Variants in FKBP7 observed in about 807,000 individuals in gnomAD.
The protein encoded by FKBP7 is FKBP prolyl isomerase 7.
Under a neutral mutation model 24.3 loss-of-function variants are expected in FKBP7, and 24 were observed. That is an observed-to-expected ratio of 0.99 (90% CI 0.72 to 1.39). FKBP7 has a LOEUF of 1.39. Among genes scored for constraint, FKBP7 ranks in the 40% most tolerant of loss-of-function variants. The pLI, the probability that FKBP7 is intolerant of heterozygous loss-of-function variation, is 0.00. For synonymous variants in FKBP7, 98 were observed against 92.8 expected, an observed-to-expected ratio of 1.06 and a Z score of -0.32; for missense variants, 257 against 269.5, an observed-to-expected ratio of 0.95 and a Z score of 0.33.
chr2:178,471,930 T>C (rs1302308651), intron 2 of FKBP7, among the ~76,000 whole-genome samples: 2 of 152,224 alleles, frequency 1.3e-5, no homozygotes, highest in East Asian at 3.8e-4. Context: ...TACCTGACTT[T>C]AGAGTAGAAG....
intron 2 of FKBP7, 142 bp downstream of exon 2, chr2:178,476,920 T>C: frequency 1.7e-6 from 1 of 598,822 alleles, no homozygotes; most frequent in Non-Finnish European, 2.8e-6. Flanking sequence ...CTCTTGTCTA[T>C]TGTACATGGC....
In FKBP7 at chr2:178,478,592, C is replaced by T; in HGVS notation, c.-93G>A. 2 of 1,559,780 alleles carry T rather than the reference C, an allele frequency of 1.3e-6. No individual in the cohort carries two copies. Among genetic ancestry groups the T allele is most frequent in the East Asian group, 2.2e-5 (1 of 44,622 alleles). On this transcript the variant is annotated 5_prime_UTR_variant, in exon 1 of 4. Transcript: ENST00000424785. ...GTTCCGACGCGTGGCAGGCGTTGTC[C>T]TGCGTCACAAAGGGCCGGGGCGGGG...
Position 178,464,783 on chromosome 2 carries a change from T to TA in FKBP7, c.*986dup. On this transcript the variant is annotated 3_prime_UTR_variant, in exon 4 of 4. Coordinates refer to ENST00000424785, the MANE Select transcript of FKBP7 (RefSeq NM_181342.3). ...TACATACTATTCTCAAGTCATATGA[T>TA]ATCATAACTTGACCATGACACAAAA... 6.6e-6 allele frequency: 1 copy of TA among 152,232 alleles called. No homozygotes were observed. Among genetic ancestry groups the TA allele is most frequent in the Non-Finnish European group, 1.5e-5 (1 of 68,046 alleles). The allele number at this position is 152,232 out of a possible 1,614,324, so 9.4% of individuals were successfully genotyped here. A position where few individuals can be genotyped will look rare whatever the true frequency, so the allele number is the denominator to read the frequency against.
intron 1 of FKBP7, among the ~76,000 whole-genome samples, chr2:178,477,728 A>T (rs577041656): frequency 1.3e-5 from 2 of 152,278 alleles, no homozygotes; most frequent in East Asian, 3.9e-4. Flanking sequence ...TCCCAGTCCT[A>T]TCTTTACAGG....
chr2:178,471,335 G>A (rs976300617), intron 2 of FKBP7, among the ~76,000 whole-genome samples: 3 of 151,318 alleles, frequency 2.0e-5, no homozygotes, highest in Non-Finnish European at 2.9e-5. Context: ...TCAGCCTCCC[G>A]AGCAGCTGGG....
At chr2:178,472,911 T>C (rs1684892736) in intron 2 of FKBP7, 1 of 322,446 alleles carries the variant, frequency 3.1e-6, no homozygotes, top group Non-Finnish European at 5.8e-6. Context: ...GTTTTTTTTT[T>C]TTTTTTAAAA....
rs1298535640 is a variant in FKBP7, at chr2:178,475,237, CTTTT to C, written c.373+1821_373+1824del. Reference sequence around the variant, plus strand: ...GGATAAGAAGGCACGTGCATTTTCACTTTTTTTTTTGAGATGGAGTCTCGCTCTG... The same window carrying C: ...GGATAAGAAGGCACGTGCATTTTCACTTTTTTGAGATGGAGTCTCGCTCTG... On this transcript the variant is annotated intron_variant, in intron 2 of 3. Transcript: ENST00000424785. 2.0e-5 allele frequency among the ~76,000 whole-genome samples: 3 copies of C among 149,138 alleles called. No homozygotes were observed. The East Asian group carries it at 5.9e-4, about 29-fold the overall frequency.
intron 3 of FKBP7, among the ~76,000 whole-genome samples, chr2:178,468,869 CTTT>C (rs770408622): frequency 1.4e-5 from 2 of 143,548 alleles, no homozygotes. Context: ...CTATTATTAT[CTTT>C]TTTTTTTTTT....
chr2:178,473,272 AGG>A, intron 2 of FKBP7: 1 of 403,734 alleles, frequency 2.5e-6, no homozygotes, highest in Non-Finnish European at 5.0e-6. Flanking sequence ...ATGTAATCCA[AGG>A]TATTGGATTA....
At chr2:178,473,549 TGAAAAAGATAA>T (rs1684917244) in intron 2 of FKBP7, among the ~76,000 whole-genome samples, 4 of 152,244 alleles carry the variant, frequency 2.6e-5, no homozygotes, top group African/African-American at 9.6e-5. Flanking sequence ...AATTAGTTTA[TGAAAAAGATAA>T]GCTAAGTGGT....
intron 2 of FKBP7, among the ~76,000 whole-genome samples, chr2:178,474,123 TC>T (rs1318936591): frequency 6.6e-6 from 1 of 152,194 alleles, no homozygotes; most frequent in Admixed American, 6.5e-5. Context: ...GCATGCCACT[TC>T]CATGAAATAT....
intron 2 of FKBP7, among the ~76,000 whole-genome samples, chr2:178,475,902 T>A (rs577335263): frequency 6.6e-6 from 1 of 152,208 alleles, no homozygotes; most frequent in African/African-American, 2.4e-5. Flanking sequence ...ATTGAAAGAA[T>A]AAGATCATTT....
In FKBP7 at chr2:178,478,490, T is replaced by G. The variant is rs761140719; in HGVS notation, c.10A>C (p.Thr4Pro). 3 of 1,613,458 alleles carry G rather than the reference T, an allele frequency of 1.9e-6. No individual in the cohort carries two copies. The East Asian group carries it at 6.7e-5, about 36-fold the overall frequency. ...ATGAATCTGAATAAGAAATGCATGG[T>G]TTTTGGCATCGGCTCCAGCAGAACA... is the stretch of plus-strand genomic sequence containing the variant. Reference protein sequence around the residue: MPKTMHFLFRFIVF... With the variant: MPKPMHFLFRFIVF... The change falls in exon 1 of 4, where the codon ACC (threonine) becomes CCC (proline). Residue 4 changes from threonine (T) to proline (P), a missense_variant. Thr to Pro is a conservative substitution (Grantham distance 38). Transcript: ENST00000424785.
intron 2 of FKBP7, among the ~76,000 whole-genome samples, chr2:178,473,944 A>C (rs531153203): frequency 6.6e-6 from 1 of 152,348 alleles, no homozygotes; most frequent in Admixed American, 6.5e-5. Flanking sequence ...AAGCATTAAA[A>C]ATAAAGCTGA....
chr2:178,477,349 G>T (rs971200313), intron 1 of FKBP7, 136 bp from the exon 2 acceptor site: 10 of 803,876 alleles, frequency 1.2e-5, no homozygotes, highest in Non-Finnish European at 1.9e-5. Context: ...TTAATGGGGT[G>T]TTTGACTCAA....
rs1284733815 is a variant in FKBP7, at chr2:178,469,537, A to G, written c.507+115T>C. 8.4e-6 allele frequency: 9 copies of G among 1,066,840 alleles called. No individual in the cohort carries two copies. In the South Asian group the frequency reaches 1.3e-4, roughly 15 times the overall value. 66.1% of individuals were successfully genotyped at this position (1,066,840 alleles called of 1,614,324 possible). ...TTATTTTTTAGTGACCAGCTCTATA[A>G]AAGCAGTGATCAGAGCCCATGCTAG... is the stretch of plus-strand genomic sequence containing the variant. On this transcript the variant is annotated intron_variant, in intron 3 of 3. Transcript: ENST00000424785.
In FKBP7 at chr2:178,478,327, G is replaced by T; in HGVS notation, c.173C>A (p.Ala58Asp). The change falls in exon 1 of 4, where the codon GCC becomes GAC. Residue 58 changes from alanine to aspartate, a missense_variant. Physicochemically the swap from Ala to Asp is moderately radical, Grantham distance 126. Transcript: ENST00000424785. Reference protein sequence around the residue: ...KTSKKGDLLNAHYDGYLAKDG... With the variant: ...KTSKKGDLLNDHYDGYLAKDG... Reference sequence around the variant, plus strand: ...TTTAGCCAGGTAGCCGTCATAATGGGCATTTAGTAGGTCTCCCTTCTTGCT... The same window carrying T: ...TTTAGCCAGGTAGCCGTCATAATGGTCATTTAGTAGGTCTCCCTTCTTGCT... The T allele has an allele frequency of 6.2e-7, 1 of 1,614,084 alleles. No individual in the cohort carries two copies. The highest frequency in any genetic ancestry group is 1.1e-5 in the South Asian group (1 of 91,074).
chr2:178,465,880 T>G lies in FKBP7; in HGVS notation c.559A>C (p.Lys187Gln). ...TCTAAAACTGCATCCTGATATGACT[T>G]GTCACGTGGCTTCTCATCTTTTTCA... ...EFEKDEKPRD[K>Q]SYQDAVLEDI... is the part of the protein sequence containing the mutation. The change falls in exon 4 of 4, where the codon AAG becomes CAG. Residue 187 changes from lysine (K) to glutamine (Q), a missense_variant. Transcript: ENST00000424785. 6.2e-7 allele frequency: 1 copy of G among 1,609,588 alleles called. No homozygotes were observed. The highest frequency in any genetic ancestry group is 8.5e-7 in the Non-Finnish European group (1 of 1,178,454).
At chr2:178,474,405 C>T (rs573258045) in intron 2 of FKBP7, among the ~76,000 whole-genome samples, 8 of 152,242 alleles carry the variant, frequency 5.3e-5, no homozygotes, top group Admixed American at 5.2e-4. Flanking sequence ...TTAATACATG[C>T]CTTATAAAAC....
Sources: gnomAD v4.1 joint callset for allele counts (sites outside exome capture counted in the v4.1 genomes callset) on GRCh38, gnomAD v4.1.1 for gene constraint, MANE v1.5 for transcripts, NCBI Gene and HGNC (gene_info 2026-07-23, HGNC 2026-07-21) for gene names.